Variants in CDC23 observed in about 807,000 individuals in gnomAD.
CDC23 encodes cell division cycle protein 23 homolog.
In CDC23, 26 loss-of-function variants were observed where a neutral mutation model predicts 81.7. The observed-to-expected ratio is 0.32, with a 90% CI of 0.23 to 0.44. CDC23 has a LOEUF of 0.44. Among genes scored for constraint, CDC23 ranks in the 20% least tolerant of loss-of-function variants. The pLI, the probability that CDC23 is intolerant of heterozygous loss-of-function variation, is 1.00. For synonymous variants in CDC23, 267 were observed against 270.8 expected (o/e 0.99, Z 0.14); for missense variants, 519 against 728.0 (o/e 0.71, Z 3.30).
chr5:138,213,104 C>A (rs900029200), intron 1 of CDC23, 41 bp from the exon 2 acceptor site: 3 of 1,613,982 alleles, frequency 1.9e-6, no homozygotes, highest in African/African-American at 1.3e-5. Flanking sequence ...GACAAGCCCC[C>A]CAAGGCCAAG....
chr5:138,213,111 C>G (rs1473179801), intron 1 of CDC23, 41 bp downstream of exon 1: 1 of 1,614,102 alleles, frequency 6.2e-7, no homozygotes, highest in South Asian at 1.1e-5. Flanking sequence ...CCCCCAAGGC[C>G]AAGGATCCAA....
chr5:138,205,792 A>G (rs1755042083), intron 3 of CDC23: 1 of 152,172 alleles, frequency 6.6e-6, no homozygotes, highest in African/African-American at 2.4e-5. Context: ...TAGTTGATCA[A>G]CCTAAATCAT....
In CDC23 at chr5:138,191,915, C is replaced by A; in HGVS notation, c.1309G>T (p.Val437Phe). 1 of 1,614,084 alleles carries A rather than the reference C, an allele frequency of 6.2e-7. No homozygotes were observed. The highest frequency in any genetic ancestry group is 1.1e-5 in the South Asian group (1 of 91,076). The change falls in exon 12 of 16, where the codon GTT becomes TTT. Residue 437 changes from valine to phenylalanine, a missense_variant. Val to Phe is a conservative substitution (Grantham distance 50, BLOSUM62 -1). Around this residue, in one of 4 missense-constraint regions of CDC23, gnomAD observed 175 missense variants for 337.8 expected, o/e 0.52. Transcript: ENST00000394886. ...TTCTCGTAACATTCTCCTAAAGCAACCAGCATGCGAGAATCATTGGGTCTG... is the reference window on the plus strand; with the variant it reads ...TTCTCGTAACATTCTCCTAAAGCAAACAGCATGCGAGAATCATTGGGTCTG... The part of the protein sequence containing the change: ...QLRPNDSRML[V>F]ALGECYEKLN...
rs140960849 is a variant in CDC23 at position 138,200,584 on chromosome 5, T to C, written c.654+523A>G. Among the ~76,000 whole-genome samples the C allele has an allele frequency of 5.4e-3, 825 of 152,098 alleles. 6 individuals carry two copies. The highest frequency in any genetic ancestry group is 0.019 in the African/African-American group (769 of 41,508). ...CCTGTAATCCCAGCACTTTGGGAGA[T>C]TGAGGCAGGAGGATCACCTGAGGTC... On this transcript the variant is annotated intron_variant, in intron 6 of 15. Coordinates refer to ENST00000394886, the MANE Select transcript of CDC23 (RefSeq NM_004661.4).
At chr5:138,200,886 T>C in intron 6 of CDC23, 1 of 505,132 alleles carries the variant, frequency 2.0e-6, no homozygotes, top group Non-Finnish European at 3.5e-6. Context: ...AAAAATATTC[T>C]AGTATAACTG....
intron 9 of CDC23, among the ~76,000 whole-genome samples, chr5:138,195,660 CAT>C (rs1303058324): frequency 1.9e-5 from 2 of 103,532 alleles, no homozygotes; most frequent in African/African-American, 3.7e-5. Context: ...ATATTATATA[CAT>C]ATATTTTATA....
intron 9 of CDC23, among the ~76,000 whole-genome samples, chr5:138,195,392 GT>G (rs1276836844): frequency 6.7e-6 from 1 of 149,054 alleles, no homozygotes; most frequent in Non-Finnish European, 1.5e-5. Context: ...TAGGTAACTT[GT>G]CCAAGATTAC....
At chr5:138,198,006 T>C (rs1278172672) in intron 9 of CDC23, among the ~76,000 whole-genome samples, 193 bp downstream of exon 9, 1 of 152,154 alleles carries the variant, frequency 6.6e-6, no homozygotes, top group Non-Finnish European at 1.5e-5. Flanking sequence ...TGCCCAGCCC[T>C]GGAGTGCAGT....
Position 138,210,052 on chromosome 5 carries a change from A to C in CDC23, c.234+2939T>G, listed in dbSNP as rs573986057. ...AACATGGTGAAACCTCCTCTCTACT[A>C]AAAATACAAAAAAATTAGCCAGGTG... On this transcript the variant is annotated intron_variant, in intron 2 of 15. Coordinates refer to ENST00000394886, the MANE Select transcript of CDC23 (RefSeq NM_004661.4). Among the ~76,000 whole-genome samples the C allele has an allele frequency of 2.6e-5, 4 of 151,944 alleles. No homozygotes were observed. In the South Asian group the frequency reaches 8.3e-4, roughly 32 times the overall value.
Position 138,192,262 on chromosome 5 carries a change from G to A in CDC23, c.1286+7C>T, listed in dbSNP as rs867865167. ...TATCAGACGCATTGTCAAGTGACCA[G>A]GCTTACCGAAGCTGGTGGGCCCGTC... On this transcript the variant is annotated splice_region_variant and intron_variant, in intron 11 of 15. Transcript: ENST00000394886. 3 of 1,614,144 alleles carry A rather than the reference G, an allele frequency of 1.9e-6. No individual in the cohort carries two copies. Among genetic ancestry groups the A allele is most frequent in the Middle Eastern group, 3.3e-4 (2 of 6,062 alleles).
At chr5:138,204,939 G>C (rs17228374) in intron 3 of CDC23, among the ~76,000 whole-genome samples, 111 of 151,314 alleles carry the variant, frequency 7.3e-4, no homozygotes, top group African/African-American at 2.6e-3. Flanking sequence ...TTTGGTGACA[G>C]GGTCTTGCTC....
chr5:138,212,796 AC>A (rs17234695), intron 2 of CDC23, among the ~76,000 whole-genome samples, 194 bp downstream of exon 2: 44,976 of 152,100 alleles, frequency 0.3, 7,569 homozygotes, highest in South Asian at 0.43. Context: ...AAATAAGAGC[AC>A]CACCAAGTCT....
intron 2 of CDC23, among the ~76,000 whole-genome samples, chr5:138,208,320 C>T (rs1029053315): frequency 6.6e-6 from 1 of 152,088 alleles, no homozygotes; most frequent in Admixed American, 6.6e-5. Context: ...TCTTTCTTGC[C>T]CCAAATATCA....
intron 9 of CDC23, among the ~76,000 whole-genome samples, chr5:138,197,890 A>T (rs1754935297): frequency 6.6e-6 from 1 of 152,214 alleles, no homozygotes; most frequent in Non-Finnish European, 1.5e-5. Flanking sequence ...GAGCTTTCAC[A>T]TTCTATGGTA....
Position 138,191,489 on chromosome 5 carries a change from A to G in CDC23, c.1409T>C (p.Leu470Pro). 2 of 1,614,150 alleles carry G rather than the reference A, an allele frequency of 1.2e-6. No individual in the cohort carries two copies. The highest frequency in any genetic ancestry group is 1.7e-6 in the Non-Finnish European group (2 of 1,179,962). The change falls in exon 13 of 16, where the codon CTG becomes CCG. Residue 470 changes from leucine to proline, a missense_variant. By Grantham distance (98) the Leu-to-Pro change is moderately conservative (BLOSUM62 -3). Around this residue, in one of 4 missense-constraint regions of CDC23, gnomAD observed 175 missense variants for 337.8 expected, o/e 0.52. Transcript: ENST00000394886. ...TTTCACTCACTTTGCCAGTTTCACC[A>G]GAGCCATTTTCTCCACATCTCCCAC... Reference protein sequence around the residue: ...YAVGDVEKMALVKLAKLHEQL... With the variant: ...YAVGDVEKMAPVKLAKLHEQL...
rs544423550 is a variant in CDC23, at chr5:138,193,912, C to T, written c.1013-1255G>A. The stretch of plus-strand genomic sequence containing the variant: ...GGCAGAGGTTGCGGTGAGCCAAGAT[C>T]GCGCCATTGCACTCCAGCCTGGGCA... On this transcript the variant is annotated intron_variant, in intron 9 of 15. Transcript: ENST00000394886. Among the ~76,000 whole-genome samples, 482 of 151,442 alleles carry T rather than the reference C, an allele frequency of 3.2e-3. 7 individuals carry two copies. Among genetic ancestry groups the T allele is most frequent in the Middle Eastern group, 0.014 (4 of 290 alleles).
Position 138,189,044 on chromosome 5 carries a change from T to A in CDC23, c.1728A>T (p.Ser576=). 2 of 1,613,528 alleles carry A rather than the reference T, an allele frequency of 1.2e-6. No individual in the cohort carries two copies. Among genetic ancestry groups the A allele is most frequent in the Non-Finnish European group, 1.7e-6 (2 of 1,179,864 alleles). Residue 576 remains serine, a synonymous_variant, in exon 16 of 16, where the codon TCA becomes TCT. Coordinates refer to ENST00000394886, the MANE Select transcript of CDC23 (RefSeq NM_004661.4). The part of the protein sequence containing the change: ...EVPAPFFLPA[S]LSANNTPTRR... ...GTGTGGGGGTATTGTTAGCAGAGAG[T>A]GAAGCAGGTAGGAAAAAGGGAGCAG...
Position 138,201,415 on chromosome 5 carries a change from G to T in CDC23, c.449C>A (p.Ala150Glu). ...GAGCTCCACTCTCAATTCTCTAAGC[G>T]CCTCATTTTTCACTTGTCCTTTTTC... Reference protein sequence around the residue: ...PLEKGQVKNEALRELRVELSK... With the variant: ...PLEKGQVKNEELRELRVELSK... The change falls in exon 5 of 16, where the codon GCG becomes GAG. Residue 150 changes from alanine to glutamate, a missense_variant. Physicochemically the swap from Ala to Glu is moderately radical, Grantham distance 107. Coordinates refer to ENST00000394886, the MANE Select transcript of CDC23 (RefSeq NM_004661.4). 1 of 1,613,936 alleles carries T rather than the reference G, an allele frequency of 6.2e-7. No homozygotes were observed. The highest frequency in any genetic ancestry group is 8.5e-7 in the Non-Finnish European group (1 of 1,179,904).
chr5:138,190,695 G>A (rs1754816537), intron 13 of CDC23, among the ~76,000 whole-genome samples: 1 of 151,930 alleles, frequency 6.6e-6, no homozygotes. Flanking sequence ...AACCCAGGAG[G>A]CAGAGGTTGC....
Sources: allele counts gnomAD v4.1 joint callset (sites outside exome capture counted in the v4.1 genomes callset), GRCh38; gene constraint gnomAD v4.1.1; regional missense constraint gnomAD v4.1.1; transcripts MANE v1.5; gene names NCBI Gene and HGNC (gene_info 2026-07-23, HGNC 2026-07-21).